The following WDR88 variants were observed in gnomAD, a reference collection of about 807,000 sequenced individuals.
The protein encoded by WDR88 is WD repeat-containing protein 88.
WDR88 carries 40 observed loss-of-function variants against 46.8 expected under a neutral mutation model. The ratio of observed to expected loss-of-function variants is 0.86; its 90% CI spans 0.66 to 1.11. The LOEUF (loss-of-function observed/expected upper bound fraction) is 1.11. Ranked by LOEUF, WDR88 falls within the 50% of genes most tolerant of loss-of-function variation. WDR88 has a pLI of 0.00. For missense variants in WDR88, 562 were observed against 602.4 expected (o/e 0.93, Z 0.70); for synonymous variants, 235 against 240.7 (o/e 0.98, Z 0.22).
chr19:33,134,711 G>C (rs1214054150), intron 1 of WDR88, among the ~76,000 whole-genome samples: 1 of 152,016 alleles, frequency 6.6e-6, no homozygotes, highest in African/African-American at 2.4e-5. Flanking sequence ...CTCCCCCGGA[G>C]AAAAGCCCGG....
chr19:33,147,854 C>T (rs575741540), intron 4 of WDR88, 146 bp downstream of exon 4: 11 of 686,948 alleles, frequency 1.6e-5, no homozygotes, highest in Middle Eastern at 3.5e-4. Context: ...GATGGAAGTA[C>T]AGATGTGAAC....
In WDR88 at chr19:33,151,203, G is replaced by A. The variant is rs369421226; in HGVS notation, c.702G>A (p.Thr234=). 1.1e-5 allele frequency: 18 copies of A among 1,613,760 alleles called. No individual in the cohort carries two copies. Among genetic ancestry groups the A allele is most frequent in the Middle Eastern group, 1.7e-4 (1 of 6,060 alleles). The change falls in exon 6 of 11, where the codon ACG becomes ACA. Residue 234 remains threonine, a synonymous_variant. Coordinates refer to ENST00000355868, the MANE Select transcript of WDR88 (RefSeq NM_173479.4). ...CAGATCATCACACAAGGTCCATCAC[G>A]TCATGCTGCTTTGACCCCGACAGCC... ...VIKDHHTRSI[T]SCCFDPDSQR... is the part of the protein sequence containing the mutation.
chr19:33,164,928 A>T (rs1973929351), intron 9 of WDR88, among the ~76,000 whole-genome samples: 1 of 151,946 alleles, frequency 6.6e-6, no homozygotes, highest in African/African-American at 2.4e-5. Context: ...ATGTAGAATC[A>T]GTGGGAGCCC....
At position 33,137,718 on chromosome 19, in the gene WDR88, C is replaced by T; in HGVS notation, c.318C>T (p.Ser106=). The part of the protein sequence containing the change: ...KILSGHEHAV[S]TCHFCVDDTK... ...TGAGTGGGCACGAGCACGCTGTGAGCACCTGCCACTTCTGTGTGGATGACA... is the reference window on the plus strand; with the variant it reads ...TGAGTGGGCACGAGCACGCTGTGAGTACCTGCCACTTCTGTGTGGATGACA... The change falls in exon 2 of 11, where the codon AGC becomes AGT. Residue 106 remains serine, a synonymous_variant. Transcript: ENST00000355868. The T allele has an allele frequency of 6.2e-7, 1 of 1,614,016 alleles. No homozygotes were observed. The highest frequency in any genetic ancestry group is 8.5e-7 in the Non-Finnish European group (1 of 1,180,032).
intron 3 of WDR88, 94 bp from the exon 4 acceptor site, chr19:33,147,551 C>T (rs759966377): frequency 4.6e-5 from 55 of 1,207,924 alleles, no homozygotes; most frequent in African/African-American, 2.9e-4. Context: ...TGCAGTGAGC[C>T]GGTATTGCAC....
At chr19:33,145,624 T>A (rs1973496726) in intron 3 of WDR88, among the ~76,000 whole-genome samples, 1 of 151,156 alleles carries the variant, frequency 6.6e-6, no homozygotes, top group African/African-American at 2.4e-5. Flanking sequence ...AACCTCCACC[T>A]CCTGGGTTCG....
chr19:33,143,337 CAAAAAAAAAAAA>C (rs59380405), intron 2 of WDR88, among the ~76,000 whole-genome samples: 1 of 49,350 alleles, frequency 2.0e-5, no homozygotes, highest in Non-Finnish European at 3.8e-5. Context: ...GATCCAGTGT[CAAAAAAAAAAAA>C]AAAAAAAAAA....
At chr19:33,159,088 G>A (rs947549690) in intron 7 of WDR88, among the ~76,000 whole-genome samples, 1 of 151,844 alleles carries the variant, frequency 6.6e-6, no homozygotes, top group African/African-American at 2.4e-5. Context: ...TCAGTGCTGG[G>A]GGGGTGCTGA....
chr19:33,159,882 G>A (rs1055057523), intron 7 of WDR88, among the ~76,000 whole-genome samples: 1 of 151,840 alleles, frequency 6.6e-6, no homozygotes, highest in Non-Finnish European at 1.5e-5. Flanking sequence ...AGAATCAGTG[G>A]GAGCCCTGAG....
At chr19:33,175,284 G>T (rs1400394196) in intron 10 of WDR88, 112 bp from the exon 11 acceptor site, 14 of 1,147,462 alleles carry the variant, frequency 1.2e-5, no homozygotes, top group Non-Finnish European at 1.8e-5. Flanking sequence ...ATTCCAGAGA[G>T]GGGAACCCTT....
chr19:33,167,343 T>C (rs1463717771), intron 9 of WDR88, among the ~76,000 whole-genome samples: 12 of 152,032 alleles, frequency 7.9e-5, no homozygotes, highest in African/African-American at 2.9e-4. Context: ...AGAAAAGGCA[T>C]TTGAAAAAAT....
At position 33,132,455 on chromosome 19, in the gene WDR88, G is replaced by A. The variant is rs1973147383; in HGVS notation, c.276+10G>A. 4.3e-6 allele frequency: 7 copies of A among 1,612,590 alleles called. No homozygotes were observed. Among genetic ancestry groups the A allele is most frequent in the Non-Finnish European group, 5.9e-6 (7 of 1,179,124 alleles). On this transcript the variant is annotated intron_variant, in intron 1 of 10. Transcript: ENST00000355868. Reference sequence around the variant, plus strand: ...GGACCCTCTCTCCAAGGTCAGAACCGCCGCTGGGGTGAGGGGGCACTGGCC... The same window carrying A: ...GGACCCTCTCTCCAAGGTCAGAACCACCGCTGGGGTGAGGGGGCACTGGCC...
In WDR88 at chr19:33,152,007, G is replaced by A. The variant is rs567631793; in HGVS notation, c.809+697G>A. 4.3e-3 allele frequency among the ~76,000 whole-genome samples: 652 copies of A among 152,100 alleles called. 8 individuals carry two copies. Among genetic ancestry groups the A allele is most frequent in the African/African-American group, 0.014 (589 of 41,496 alleles). On this transcript the variant is annotated intron_variant, in intron 6 of 10. Transcript: ENST00000355868. The stretch of plus-strand genomic sequence containing the variant: ...AGCACTTTGGGAGGCCGAGTGGGGC[G>A]GATCACCTGAGGTCAGGAGTTCGAG...
chr19:33,157,617 A>ATATATGTATATATGTG (rs1568367469), intron 7 of WDR88, among the ~76,000 whole-genome samples: 27 of 142,012 alleles, frequency 1.9e-4, no homozygotes, highest in African/African-American at 6.8e-4. Flanking sequence ...ATATATGTGT[A>ATATATGTATATATGTG]TATATATATG....
intron 9 of WDR88, among the ~76,000 whole-genome samples, chr19:33,167,215 C>T (rs191106076): frequency 1.3e-5 from 2 of 152,040 alleles, no homozygotes; most frequent in Admixed American, 6.6e-5. Flanking sequence ...GATTATTTAC[C>T]ATGACCAAGT....
At chr19:33,174,327 C>CA in intron 10 of WDR88, 1 of 1,514,878 alleles carries the variant, frequency 6.6e-7, no homozygotes, top group Non-Finnish European at 8.8e-7. Flanking sequence ...CAGCAGGCCT[C>CA]AGTGTCCTGG....
intron 2 of WDR88, among the ~76,000 whole-genome samples, chr19:33,139,601 A>T (rs573003938): frequency 6.6e-6 from 1 of 152,274 alleles, no homozygotes; most frequent in East Asian, 1.9e-4. Context: ...TCGCATGAAG[A>T]TCGGAAATAA....
chr19:33,132,484 T>C (rs1199627400), intron 1 of WDR88, 39 bp downstream of exon 1: 3 of 1,603,172 alleles, frequency 1.9e-6, no homozygotes, highest in Non-Finnish European at 2.6e-6. Flanking sequence ...ACTGGCCTGT[T>C]CCCCACACGG....
At chr19:33,157,667 A>T (rs71351716) in intron 7 of WDR88, among the ~76,000 whole-genome samples, 1 of 95,160 alleles carries the variant, frequency 1.1e-5, no homozygotes, top group South Asian at 4.9e-4. Context: ...ATATGTATGT[A>T]TGTGTGTGTG....
Sources: gnomAD v4.1 joint callset for allele counts (sites outside exome capture counted in the v4.1 genomes callset) on GRCh38, gnomAD v4.1.1 for gene constraint, MANE v1.5 for transcripts, NCBI Gene and HGNC (gene_info 2026-07-23, HGNC 2026-07-21) for gene names.